The following NDFIP2 variants were observed in gnomAD, a reference collection of about 807,000 sequenced individuals.
The protein encoded by NDFIP2 is Nedd4 family interacting protein 2.
A neutral mutation model predicts 36.0 loss-of-function variants in NDFIP2; 19 were observed. The observed-to-expected ratio is 0.53, with a 90% CI of 0.37 to 0.77. NDFIP2 has a LOEUF of 0.77. Among genes scored for constraint, NDFIP2 ranks in the 30% least tolerant of loss-of-function variants. The pLI is 0.00. For missense variants in NDFIP2, 446 were observed against 435.8 expected (o/e 1.02, Z -0.21); for synonymous variants, 181 against 167.7 (o/e 1.08, Z -0.61).
At chr13:79,501,010 C>T (rs1873645808) in intron 1 of NDFIP2, among the ~76,000 whole-genome samples, 1 of 151,834 alleles carries the variant, frequency 6.6e-6, no homozygotes, top group African/African-American at 2.4e-5. Flanking sequence ...TATCCAACTA[C>T]AAAAAGACAG....
intron 1 of NDFIP2, among the ~76,000 whole-genome samples, chr13:79,519,323 C>G (rs1423980087): frequency 6.6e-6 from 1 of 152,130 alleles, no homozygotes; most frequent in Non-Finnish European, 1.5e-5. Context: ...TTAAAAGTAT[C>G]TTAAAAATTT....
intron 1 of NDFIP2, among the ~76,000 whole-genome samples, chr13:79,515,739 A>G (rs1370213881): frequency 1.3e-5 from 2 of 152,170 alleles, no homozygotes; most frequent in Admixed American, 1.3e-4. Flanking sequence ...CTGTCTGCAG[A>G]GATCTCTTAT....
chr13:79,556,028 CAGAT>C lies in NDFIP2; in HGVS notation c.*3516_*3519del. The C allele has an allele frequency of 6.6e-6, 1 of 152,220 alleles. No individual in the cohort carries two copies. Among genetic ancestry groups the C allele is most frequent in the East Asian group, 1.9e-4 (1 of 5,188 alleles). 9.4% of individuals were successfully genotyped at this position (152,220 alleles called of 1,614,324 possible). The stretch of plus-strand genomic sequence containing the variant: ...TCTCAGTTATTTGTATGTCAGGAGA[CAGAT>C]TGTGGTTTAATTTTAATAAACAAAA... On this transcript the variant is annotated 3_prime_UTR_variant, in exon 8 of 8. Transcript: ENST00000218652.
At chr13:79,523,066 G>T (rs1566662186) in intron 2 of NDFIP2, among the ~76,000 whole-genome samples, 1 of 152,074 alleles carries the variant, frequency 6.6e-6, no homozygotes. Flanking sequence ...CAGAAACCTT[G>T]GAGTCTTCTT....
intron 1 of NDFIP2, among the ~76,000 whole-genome samples, chr13:79,492,836 A>T (rs1228087964): frequency 6.6e-6 from 1 of 152,074 alleles, no homozygotes; most frequent in Non-Finnish European, 1.5e-5. Flanking sequence ...ACCACCCCAA[A>T]TCATGCTATC....
At chr13:79,517,679 A>G (rs937165573) in intron 1 of NDFIP2, among the ~76,000 whole-genome samples, 2 of 152,222 alleles carry the variant, frequency 1.3e-5, no homozygotes, top group African/African-American at 4.8e-5. Context: ...GGTGTTAGCT[A>G]GGGCAGTTGA....
At chr13:79,528,232 G>C (rs1470775769) in intron 2 of NDFIP2, among the ~76,000 whole-genome samples, 43 of 151,864 alleles carry the variant, frequency 2.8e-4, no homozygotes, top group Admixed American at 2.8e-3. Context: ...CTCCAGCCTG[G>C]GTGACTGAGT....
intron 1 of NDFIP2, among the ~76,000 whole-genome samples, chr13:79,497,429 CA>C (rs1238807436): frequency 6.6e-6 from 1 of 151,872 alleles, no homozygotes; most frequent in Non-Finnish European, 1.5e-5. Context: ...AATAAAGCTG[CA>C]AAAAGAAAAG....
intron 2 of NDFIP2, among the ~76,000 whole-genome samples, chr13:79,526,958 G>C (rs1874820435): frequency 6.6e-6 from 1 of 152,132 alleles, no homozygotes; most frequent in African/African-American, 2.4e-5. Context: ...CAGTGGTAAA[G>C]ACAGAATTCG....
chr13:79,485,976 A>T (rs56000157), intron 1 of NDFIP2, among the ~76,000 whole-genome samples: 1,723 of 152,308 alleles, frequency 0.011, 35 homozygotes, highest in African/African-American at 0.04. Flanking sequence ...CCTAATCCAA[A>T]AACCCGAAAT....
chr13:79,546,862 ATGT>A (rs2137116526), intron 5 of NDFIP2, among the ~76,000 whole-genome samples: 2 of 152,234 alleles, frequency 1.3e-5, no homozygotes, highest in African/African-American at 4.8e-5. Context: ...CTATATGAAA[ATGT>A]TGTATTTCTA....
Position 79,551,068 on chromosome 13 carries a change from T to C in NDFIP2, c.959T>C (p.Met320Thr). 3 of 1,605,526 alleles carry C rather than the reference T, an allele frequency of 1.9e-6. No individual in the cohort carries two copies. The highest frequency in any genetic ancestry group is 2.6e-6 in the Non-Finnish European group (3 of 1,175,422). ...GTTAATTATCTAAAAGTCAGAAACA[T>C]GTCTGAAAGTATGGCAGCTGCTCAT... ...GFVNYLKVRNMSESMAAAHRT... is the reference protein window; with the variant it reads ...GFVNYLKVRNTSESMAAAHRT... Residue 320 changes from methionine (M) to threonine (T), a missense_variant, in exon 7 of 8, where the codon ATG (methionine) becomes ACG (threonine). Transcript: ENST00000218652.
chr13:79,514,374 A>G (rs1488363286), intron 1 of NDFIP2, among the ~76,000 whole-genome samples: 1 of 152,124 alleles, frequency 6.6e-6, no homozygotes, highest in East Asian at 1.9e-4. Context: ...ACTTACTTTT[A>G]TTTAATATTT....
chr13:79,487,398 T>C (rs183673020), intron 1 of NDFIP2, among the ~76,000 whole-genome samples: 4 of 152,322 alleles, frequency 2.6e-5, no homozygotes, highest in Admixed American at 6.5e-5. Context: ...ATCGAATGAA[T>C]ACACTGCAGT....
chr13:79,498,189 A>G (rs1873522590), intron 1 of NDFIP2, among the ~76,000 whole-genome samples: 1 of 151,890 alleles, frequency 6.6e-6, no homozygotes, highest in African/African-American at 2.4e-5. Flanking sequence ...AGTAAAACCT[A>G]GGTGTGAATC....
intron 5 of NDFIP2, among the ~76,000 whole-genome samples, chr13:79,547,380 A>G (rs1240220669): frequency 6.6e-6 from 1 of 152,164 alleles, no homozygotes; most frequent in African/African-American, 2.4e-5. Context: ...ATTTTTAGTT[A>G]CATCAGATTC....
intron 5 of NDFIP2, among the ~76,000 whole-genome samples, chr13:79,544,158 C>G (rs1383348913): frequency 6.6e-6 from 1 of 152,128 alleles, no homozygotes; most frequent in Admixed American, 6.5e-5. Flanking sequence ...CTCGTTTAGT[C>G]ACATTATCAT....
At chr13:79,490,634 A>G (rs1873189200) in intron 1 of NDFIP2, among the ~76,000 whole-genome samples, 1 of 152,184 alleles carries the variant, frequency 6.6e-6, no homozygotes, top group African/African-American at 2.4e-5. Context: ...CTATTTGCAA[A>G]AACAGTGTGC....
intron 2 of NDFIP2, among the ~76,000 whole-genome samples, chr13:79,526,642 A>G (rs1207708512): frequency 6.6e-6 from 1 of 152,224 alleles, no homozygotes; most frequent in Admixed American, 6.5e-5. Context: ...AACCTTGAAG[A>G]CTAGCAACAC....
Sources: gnomAD v4.1 joint callset for allele counts (sites outside exome capture counted in the v4.1 genomes callset) on GRCh38, gnomAD v4.1.1 for gene constraint, MANE v1.5 for transcripts, NCBI Gene and HGNC (gene_info 2026-07-23, HGNC 2026-07-21) for gene names.